RBM19: variants seen among roughly 807,000 people sequenced by gnomAD.
RBM19 encodes the protein probable RNA-binding protein 19.
Under a neutral mutation model 116.8 loss-of-function variants are expected in RBM19, and 94 were observed. The observed-to-expected ratio is 0.80, with a 90% CI of 0.68 to 0.95. The LOEUF (loss-of-function observed/expected upper bound fraction) is 0.95. Ranked by LOEUF, RBM19 falls within the 40% of genes least tolerant of loss-of-function variation. The pLI, the probability that RBM19 is intolerant of heterozygous loss-of-function variation, is 0.00. For missense variants in RBM19, 1,161 were observed against 1,220.7 expected, an observed-to-expected ratio of 0.95 and a Z score of 0.73; for synonymous variants, 475 against 494.1, an observed-to-expected ratio of 0.96 and a Z score of 0.51.
At chr12:113,853,977 G>A (rs1043996911) in intron 22 of RBM19, among the ~76,000 whole-genome samples, 1 of 152,080 alleles carries the variant, frequency 6.6e-6, no homozygotes, top group Non-Finnish European at 1.5e-5. Context: ...GTGAGAGGTG[G>A]TGGGCATGGT....
At chr12:113,829,244 G>A (rs1354067039) in intron 23 of RBM19, among the ~76,000 whole-genome samples, 2 of 152,182 alleles carry the variant, frequency 1.3e-5, no homozygotes, top group African/African-American at 4.8e-5. Context: ...GCCTCCTAAC[G>A]TGCTGGGATT....
At chr12:113,867,310 T>C (rs1400576664) in intron 21 of RBM19, among the ~76,000 whole-genome samples, 3 of 152,180 alleles carry the variant, frequency 2.0e-5, no homozygotes, top group Admixed American at 6.5e-5. Flanking sequence ...TGAAGCTTGG[T>C]AGGAATTTTC....
intron 22 of RBM19, among the ~76,000 whole-genome samples, chr12:113,854,335 C>T (rs938245696): frequency 6.6e-6 from 1 of 152,080 alleles, no homozygotes; most frequent in African/African-American, 2.4e-5. Flanking sequence ...TCGTGTGGTC[C>T]CCTGGTTGCA....
At chr12:113,922,527 G>A (rs1053052003) in intron 18 of RBM19, among the ~76,000 whole-genome samples, 13 of 152,100 alleles carry the variant, frequency 8.5e-5, no homozygotes, top group African/African-American at 2.7e-4. Context: ...CTGACTGGGC[G>A]CAGTGAGAGG....
At chr12:113,849,891 G>T (rs1435131891) in intron 22 of RBM19, among the ~76,000 whole-genome samples, 2 of 152,182 alleles carry the variant, frequency 1.3e-5, no homozygotes, top group Non-Finnish European at 1.5e-5. Context: ...CTTGGCCTCT[G>T]GTTTCTACTG....
At chr12:113,962,039 G>A (rs1387724182) in intron 2 of RBM19, among the ~76,000 whole-genome samples, 193 bp downstream of exon 2, 1 of 152,258 alleles carries the variant, frequency 6.6e-6, no homozygotes, top group Non-Finnish European at 1.5e-5. Context: ...ATGCTCTGGG[G>A]ACGGGCCCAG....
chr12:113,897,072 A>C (rs1047457126), intron 21 of RBM19, among the ~76,000 whole-genome samples: 4 of 152,364 alleles, frequency 2.6e-5, no homozygotes, highest in African/African-American at 9.6e-5. Context: ...GCTTTGGGCC[A>C]ATGGCTTTAC....
intron 21 of RBM19, among the ~76,000 whole-genome samples, chr12:113,865,115 A>G (rs1232860777): frequency 2.0e-5 from 3 of 152,188 alleles, no homozygotes; most frequent in Admixed American, 6.5e-5. Flanking sequence ...GCCTGATCAG[A>G]CATACTTTTC....
chr12:113,955,293 G>T, intron 6 of RBM19, 82 bp from the exon 7 acceptor site: 1 of 1,379,558 alleles, frequency 7.2e-7, no homozygotes, highest in Non-Finnish European at 1.0e-6. Flanking sequence ...GGACATTTCA[G>T]TGCCAGAGAA....
rs758805843 is a variant in RBM19 at position 113,966,235 on chromosome 12, G to A, written c.-8C>T. On this transcript the variant is annotated 5_prime_UTR_variant, in exon 1 of 24. Coordinates refer to ENST00000261741, the MANE Select transcript of RBM19 (RefSeq NM_016196.4). ...CACGATCAGTCGCGACATGGCGCAG[G>A]GTCCCCGCTGTTTTGATTCCAACAC... is the stretch of plus-strand genomic sequence containing the variant. 1.9e-6 allele frequency: 3 copies of A among 1,614,118 alleles called. No individual in the cohort carries two copies. The highest frequency in any genetic ancestry group is 4.5e-5 in the East Asian group (2 of 44,894).
rs974080189 is a variant in RBM19, at chr12:113,923,692, C to T, written c.2305+1005G>A. On this transcript the variant is annotated intron_variant, in intron 18 of 23. Coordinates refer to ENST00000261741, the MANE Select transcript of RBM19 (RefSeq NM_016196.4). Reference sequence around the variant, plus strand: ...TGGCCTCTGAACACCTTGTTCCCGCCGCCTGGCTGCTCTGCCCCCCACCCC... The same window carrying T: ...TGGCCTCTGAACACCTTGTTCCCGCTGCCTGGCTGCTCTGCCCCCCACCCC... Among the ~76,000 whole-genome samples, 7 of 152,346 alleles carry T rather than the reference C, an allele frequency of 4.6e-5. No homozygotes were observed. In the East Asian group the frequency reaches 9.6e-4, roughly 21 times the overall value.
chr12:113,848,958 GC>G (rs1161357726), intron 22 of RBM19, among the ~76,000 whole-genome samples: 4 of 152,200 alleles, frequency 2.6e-5, no homozygotes, highest in Admixed American at 2.0e-4. Flanking sequence ...TATGACCTCA[GC>G]CTACTCCTGA....
At chr12:113,929,380 C>T (rs76582535) in intron 16 of RBM19, among the ~76,000 whole-genome samples, 12,458 of 152,208 alleles carry the variant, frequency 0.082, 591 homozygotes, top group East Asian at 0.11. Context: ...CTTCCTCCCT[C>T]GGATAAGCCC....
chr12:113,821,276 G>A (rs953185571), downstream of RBM19, among the ~76,000 whole-genome samples: 1 of 152,110 alleles, frequency 6.6e-6, no homozygotes, highest in Non-Finnish European at 1.5e-5. Flanking sequence ...GCCAAAAGAT[G>A]CCTGCCTCTG....
At chr12:113,935,203 C>G (rs1293991162) in intron 16 of RBM19, among the ~76,000 whole-genome samples, 1 of 152,180 alleles carries the variant, frequency 6.6e-6, no homozygotes, top group Non-Finnish European at 1.5e-5. Context: ...AGCCTGCCTC[C>G]TGTTGCCACC....
intron 21 of RBM19, among the ~76,000 whole-genome samples, chr12:113,861,799 G>T (rs921905054): frequency 3.0e-4 from 45 of 152,136 alleles, no homozygotes; most frequent in African/African-American, 1.1e-3. Flanking sequence ...GGACAGAAGG[G>T]CACCCTGGAT....
intron 21 of RBM19, among the ~76,000 whole-genome samples, chr12:113,912,335 GCTA>G (rs1292610632): frequency 6.6e-6 from 1 of 152,180 alleles, no homozygotes; most frequent in Non-Finnish European, 1.5e-5. Context: ...TCCTGAAATG[GCTA>G]CATGCCTCGT....
At chr12:113,948,484 C>T (rs377712704) in intron 10 of RBM19, among the ~76,000 whole-genome samples, 1 of 152,320 alleles carries the variant, frequency 6.6e-6, no homozygotes, top group African/African-American at 2.4e-5. Context: ...TGTACAGTTA[C>T]TCAATTCCAA....
chr12:113,899,732 ACT>A (rs1365483453), intron 21 of RBM19, among the ~76,000 whole-genome samples: 1 of 151,948 alleles, frequency 6.6e-6, no homozygotes, highest in African/African-American at 2.4e-5. Context: ...TCCGTGGAAA[ACT>A]CTGCGATGCG....
Sources: allele counts gnomAD v4.1 joint callset (sites outside exome capture counted in the v4.1 genomes callset), GRCh38; gene constraint gnomAD v4.1.1; transcripts MANE v1.5; gene names NCBI Gene and HGNC (gene_info 2026-07-23, HGNC 2026-07-21).